The following GALNT1 variants were observed in gnomAD, a reference collection of about 807,000 sequenced individuals.
The protein encoded by GALNT1 is polypeptide N-acetylgalactosaminyltransferase 1, also known as GalNAc transferase 1.
A neutral mutation model predicts 65.7 loss-of-function variants in GALNT1; 17 were observed. That is an observed-to-expected ratio of 0.26 (90% CI 0.18 to 0.39). GALNT1 has a LOEUF of 0.39. GALNT1 is among the 10% of genes least tolerant of loss of function. The pLI is 1.00. For synonymous variants in GALNT1, 210 were observed against 219.7 expected (o/e 0.96, Z 0.39); for missense variants, 460 against 672.8 (o/e 0.68, Z 3.50).
At chr18:35,661,344 C>A (rs1040060955) in intron 2 of GALNT1, among the ~76,000 whole-genome samples, 4 of 151,934 alleles carry the variant, frequency 2.6e-5, no homozygotes, top group Non-Finnish European at 4.4e-5. Context: ...ACTGAAAATA[C>A]AAAAATTAGC....
chr18:35,668,649 G>T (rs1463615919), intron 3 of GALNT1, among the ~76,000 whole-genome samples: 1 of 151,972 alleles, frequency 6.6e-6, no homozygotes, highest in African/African-American at 2.4e-5. Context: ...CTGATTAGTG[G>T]GCATAAAGTT....
chr18:35,593,014 T>C (rs2046463117), intron 1 of GALNT1, among the ~76,000 whole-genome samples: 1 of 152,122 alleles, frequency 6.6e-6, no homozygotes, highest in Non-Finnish European at 1.5e-5. Flanking sequence ...GTTTTCCTGT[T>C]GTTGTTGTTG....
In GALNT1 at chr18:35,628,755, G is replaced by A. The variant is rs2046957773; in HGVS notation, c.-103-25805G>A. 2.6e-5 allele frequency among the ~76,000 whole-genome samples: 4 copies of A among 152,128 alleles called. 1 individual carries two copies. In the South Asian group the frequency reaches 8.3e-4, roughly 32 times the overall value. On this transcript the variant is annotated intron_variant, in intron 1 of 11. Transcript: ENST00000269195. ...GAGTTGAGTGAAGAAGGCTGCAGAC[G>A]ATCAAACTTCTCCGAGCTAAAGGAG...
intron 1 of GALNT1, among the ~76,000 whole-genome samples, chr18:35,652,709 C>T (rs560186502): frequency 5.9e-5 from 9 of 152,292 alleles, no homozygotes; most frequent in African/African-American, 2.2e-4. Flanking sequence ...CTTTATCTTC[C>T]TTTCTCCCCA....
Position 35,609,770 on chromosome 18 carries a change from C to G in GALNT1, c.-104+27908C>G, listed in dbSNP as rs1009182893. On this transcript the variant is annotated intron_variant, in intron 1 of 11. Coordinates refer to ENST00000269195, the MANE Select transcript of GALNT1 (RefSeq NM_020474.4). ...AATATTGATTGTAATCAACTGCCCA[C>G]TCTTTGCTTAGTATTAATACCCTTA... 9.5e-4 allele frequency among the ~76,000 whole-genome samples: 144 copies of G among 152,286 alleles called. 1 individual carries two copies. The highest frequency in any genetic ancestry group is 3.0e-3 in the African/African-American group (125 of 41,560).
chr18:35,678,816 C>A (rs1282854752), intron 4 of GALNT1, among the ~76,000 whole-genome samples: 1 of 152,114 alleles, frequency 6.6e-6, no homozygotes, highest in Non-Finnish European at 1.5e-5. Context: ...CTTCCTGTGT[C>A]CACACTGAAT....
intron 1 of GALNT1, among the ~76,000 whole-genome samples, chr18:35,588,343 T>A (rs995546913): frequency 6.6e-6 from 1 of 152,234 alleles, no homozygotes; most frequent in Non-Finnish European, 1.5e-5. Flanking sequence ...ATCGTTTTTC[T>A]CTCACTGTTC....
At chr18:35,597,226 ATGTACCAGGGG>A (rs1487885031) in intron 1 of GALNT1, 5 of 152,216 alleles carry the variant, frequency 3.3e-5, no homozygotes, top group African/African-American at 9.7e-5. Context: ...GTCATGCTGG[ATGTACCAGGGG>A]TGAGAGTAGG....
At chr18:35,582,269 CT>C (rs1047929533) in intron 1 of GALNT1, among the ~76,000 whole-genome samples, 5 of 152,128 alleles carry the variant, frequency 3.3e-5, no homozygotes, top group African/African-American at 9.7e-5. Flanking sequence ...GGGGAGGGGG[CT>C]TCCCGGCCCG....
Position 35,709,708 on chromosome 18 carries a change from T to C in GALNT1, c.1618T>C (p.Cys540Arg). 6.2e-7 allele frequency: 1 copy of C among 1,614,078 alleles called. No individual in the cohort carries two copies. Among genetic ancestry groups the C allele is most frequent in the Non-Finnish European group, 8.5e-7 (1 of 1,180,006 alleles). Reference protein sequence around the residue: ...EDSQVPSIRDCNGSRSQQWLL... With the variant: ...EDSQVPSIRDRNGSRSQQWLL... ...TAGCCAGGTGCCCAGCATTAGAGAC[T>C]GCAATGGAAGTCGGTCCCAGCAGTG... Residue 540 changes from cysteine (C) to arginine (R), a missense_variant, in exon 12 of 12, where the codon TGC becomes CGC. Transcript: ENST00000269195.
At chr18:35,674,020 G>T (rs1252303114) in intron 3 of GALNT1, among the ~76,000 whole-genome samples, 1 of 152,126 alleles carries the variant, frequency 6.6e-6, no homozygotes, top group Non-Finnish European at 1.5e-5. Context: ...AATACTGTAG[G>T]CAATTGTAGT....
intron 3 of GALNT1, among the ~76,000 whole-genome samples, chr18:35,676,729 AG>A (rs951537236): frequency 2.0e-5 from 3 of 152,126 alleles, no homozygotes; most frequent in African/African-American, 4.8e-5. Flanking sequence ...TGCACTGTTT[AG>A]GGGGGCTTAT....
chr18:35,649,059 A>G (rs2047275021), intron 1 of GALNT1, among the ~76,000 whole-genome samples: 1 of 152,224 alleles, frequency 6.6e-6, no homozygotes, highest in African/African-American at 2.4e-5. Flanking sequence ...ATGTGCATAC[A>G]GGGCTGTGTG....
chr18:35,607,488 G>A (rs2046665245), intron 1 of GALNT1, among the ~76,000 whole-genome samples: 1 of 152,084 alleles, frequency 6.6e-6, no homozygotes, highest in Non-Finnish European at 1.5e-5. Flanking sequence ...TTGGGTGTTG[G>A]TACTAGTTAC....
intron 1 of GALNT1, chr18:35,597,734 G>A (rs2046523000): frequency 6.6e-6 from 1 of 152,002 alleles, no homozygotes; most frequent in South Asian, 2.1e-4. Context: ...TGGATTCATC[G>A]GTCGTTAGCA....
intron 1 of GALNT1, among the ~76,000 whole-genome samples, chr18:35,641,185 C>T (rs886426296): frequency 4.6e-5 from 7 of 152,170 alleles, no homozygotes; most frequent in African/African-American, 1.7e-4. Context: ...TGGCTCATAC[C>T]TGTAATCCCA....
chr18:35,615,402 A>G (rs1735827897), intron 1 of GALNT1, among the ~76,000 whole-genome samples: 2 of 152,314 alleles, frequency 1.3e-5, no homozygotes. Flanking sequence ...GTTTTTACTA[A>G]CACTGTATTA....
At chr18:35,707,085 G>C (rs1005343242) in intron 11 of GALNT1, among the ~76,000 whole-genome samples, 1 of 152,030 alleles carries the variant, frequency 6.6e-6, no homozygotes, top group Non-Finnish European at 1.5e-5. Context: ...ACAGTACCAC[G>C]CTATTTTTGA....
chr18:35,706,263 C>T (rs2048257118), intron 11 of GALNT1, among the ~76,000 whole-genome samples: 1 of 152,132 alleles, frequency 6.6e-6, no homozygotes, highest in African/African-American at 2.4e-5. Context: ...GTAATCCCAG[C>T]ACTTTGGGAG....
Sources: gnomAD v4.1 joint callset for allele counts (sites outside exome capture counted in the v4.1 genomes callset) on GRCh38, gnomAD v4.1.1 for gene constraint, MANE v1.5 for transcripts, NCBI Gene and HGNC (gene_info 2026-07-23, HGNC 2026-07-21) for gene names.